Variants in ALG8 observed in about 807,000 individuals in gnomAD.
ALG8 encodes the protein dolichyl pyrophosphate Glc1Man9GlcNAc2 alpha-1,3-glucosyltransferase.
In ALG8, 48 loss-of-function variants were observed where a neutral mutation model predicts 70.2. The observed-to-expected ratio is 0.68, with a 90% CI of 0.54 to 0.87. ALG8 has a LOEUF of 0.87. Among genes scored for constraint, ALG8 ranks in the 40% least tolerant of loss-of-function variants. The pLI is 0.00. For missense variants in ALG8, 572 were observed against 608.7 expected (o/e 0.94, Z 0.64); for synonymous variants, 234 against 229.0 (o/e 1.02, Z -0.20).
intron 1 of ALG8, among the ~76,000 whole-genome samples, chr11:78,127,671 T>G (rs1861136275): frequency 6.6e-6 from 1 of 151,550 alleles, no homozygotes. Context: ...CAGAACTACC[T>G]AAAGGGCTGA....
chr11:78,112,386 G>T, intron 8 of ALG8: 1 of 407,438 alleles, frequency 2.5e-6, no homozygotes, highest in Non-Finnish European at 4.6e-6. Context: ...TACCTTTATA[G>T]AGTGTCTACA....
In ALG8 at chr11:78,112,544, A is replaced by T. The variant is rs147382582; in HGVS notation, c.898+106T>A. On this transcript the variant is annotated intron_variant, in intron 8 of 12. Coordinates refer to ENST00000299626, the MANE Select transcript of ALG8 (RefSeq NM_024079.5). ...TGAAAGCTGAAATGCAGGACTGGAG[A>T]ACAAACAATTCAGCCACATTCAAAA... is the stretch of plus-strand genomic sequence containing the variant. 3.6e-3 allele frequency: 5,544 copies of T among 1,542,164 alleles called. 6 individuals are homozygous for T. The highest frequency in any genetic ancestry group is 4.6e-3 in the Non-Finnish European group (5,152 of 1,126,876).
intron 1 of ALG8, chr11:78,139,145 C>G (rs1433235841): frequency 5.3e-6 from 2 of 380,460 alleles, no homozygotes; most frequent in African/African-American, 4.2e-5. Context: ...TTGCTCACCA[C>G]CGCATCTCCC....
At position 78,121,192 on chromosome 11, in the gene ALG8, G is replaced by T; in HGVS notation, c.369-18C>A. The T allele has an allele frequency of 6.5e-7, 1 of 1,540,244 alleles. No homozygotes were observed. Among genetic ancestry groups the T allele is most frequent in the Non-Finnish European group, 9.0e-7 (1 of 1,114,670 alleles). On this transcript the variant is annotated intron_variant, in intron 3 of 12. Transcript: ENST00000299626. The stretch of plus-strand genomic sequence containing the variant: ...TACAGCACCTACATTGAAACATTAG[G>T]AAAGAAACAGAAACAACTTTGATCT...
At position 78,129,890 on chromosome 11, in the gene ALG8, T is replaced by C. The variant is rs1861229880; in HGVS notation, c.96-2454A>G. On this transcript the variant is annotated intron_variant, in intron 1 of 12. Coordinates refer to ENST00000299626, the MANE Select transcript of ALG8 (RefSeq NM_024079.5). ...GTTTGAGAACCATGCTATCTAGTGATAAGAATGAAAAAACAGTAATTACAC... is the reference window on the plus strand; with the variant it reads ...GTTTGAGAACCATGCTATCTAGTGACAAGAATGAAAAAACAGTAATTACAC... Among the ~76,000 whole-genome samples, 4 of 152,130 alleles carry C rather than the reference T, an allele frequency of 2.6e-5. No individual in the cohort carries two copies. The South Asian group carries it at 6.2e-4, about 24-fold the overall frequency.
intron 1 of ALG8, among the ~76,000 whole-genome samples, chr11:78,132,833 A>ATTTT (rs55934753): frequency 8.8e-6 from 1 of 113,936 alleles, no homozygotes; most frequent in Non-Finnish European, 1.8e-5. Flanking sequence ...TTCTTCTTCC[A>ATTTT]TTTTTTTTTT....
chr11:78,136,591 A>C (rs1861563801), intron 1 of ALG8, among the ~76,000 whole-genome samples: 1 of 152,222 alleles, frequency 6.6e-6, no homozygotes, highest in South Asian at 2.1e-4. Context: ...TTATTCAGTA[A>C]ACCATGCTGT....
chr11:78,125,253 C>T (rs1320509401), intron 2 of ALG8, among the ~76,000 whole-genome samples: 2 of 151,570 alleles, frequency 1.3e-5, no homozygotes, highest in Non-Finnish European at 2.9e-5. Flanking sequence ...AGGACGGTCT[C>T]GATCTCCTGA....
intron 8 of ALG8, chr11:78,112,403 A>AT (rs1860329621): frequency 4.5e-6 from 2 of 448,906 alleles, no homozygotes; most frequent in Non-Finnish European, 8.1e-6. Flanking sequence ...TACATATTTT[A>AT]TTTTTTCCCC....
intron 1 of ALG8, 33 bp from the exon 2 acceptor site, chr11:78,127,469 T>C (rs1295001348): frequency 6.4e-7 from 1 of 1,569,676 alleles, no homozygotes; most frequent in Admixed American, 1.7e-5. Flanking sequence ...TAAAATGAGA[T>C]TTTGCAATAT....
intron 8 of ALG8, among the ~76,000 whole-genome samples, chr11:78,110,295 G>C (rs1271277846): frequency 2.0e-5 from 3 of 152,074 alleles, no homozygotes; most frequent in African/African-American, 7.2e-5. Context: ...AGGTTCCAGC[G>C]ATTCTCCTGC....
intron 9 of ALG8, chr11:78,107,747 C>T: frequency 4.4e-6 from 1 of 228,222 alleles, no homozygotes. Flanking sequence ...GAGGCTGAGG[C>T]AGGAGAATCG....
intron 8 of ALG8, 117 bp downstream of exon 8, chr11:78,112,533 C>A: frequency 6.8e-7 from 1 of 1,479,722 alleles, no homozygotes; most frequent in East Asian, 2.4e-5. Flanking sequence ...AGCTGAAATG[C>A]AGGACTGGAG....
At chr11:78,131,743 G>T (rs1043815539) in intron 1 of ALG8, among the ~76,000 whole-genome samples, 1 of 152,146 alleles carries the variant, frequency 6.6e-6, no homozygotes, top group Non-Finnish European at 1.5e-5. Flanking sequence ...TGGGATTACA[G>T]GTGTGAGCCA....
At chr11:78,136,294 C>G (rs530239102) in intron 1 of ALG8, among the ~76,000 whole-genome samples, 31 of 149,130 alleles carry the variant, frequency 2.1e-4, no homozygotes, top group African/African-American at 6.3e-4. Flanking sequence ...GACACCTCGT[C>G]TCTACCAAAA....
chr11:78,114,161 G>A lies in ALG8; in HGVS notation c.673+105C>T. The A allele has an allele frequency of 2.0e-6, 3 of 1,488,186 alleles. No individual in the cohort carries two copies. The South Asian group carries it at 3.5e-5, about 17-fold the overall frequency. 92.2% of individuals were successfully genotyped at this position (1,488,186 alleles called of 1,614,324 possible). A position where few individuals can be genotyped will look rare whatever the true frequency, so the allele number is the denominator to read the frequency against. ...TAAAGGGCTTACAGGATTAGCAGCTGAGATATCTGCTGTGCTTCATAAAAC... is the reference window on the plus strand; with the variant it reads ...TAAAGGGCTTACAGGATTAGCAGCTAAGATATCTGCTGTGCTTCATAAAAC... On this transcript the variant is annotated intron_variant, in intron 6 of 12. Coordinates refer to ENST00000299626, the MANE Select transcript of ALG8 (RefSeq NM_024079.5).
At chr11:78,117,813 G>A (rs1450049213) in intron 5 of ALG8, among the ~76,000 whole-genome samples, 6 of 150,952 alleles carry the variant, frequency 4.0e-5, no homozygotes, top group African/African-American at 9.8e-5. Context: ...GGTGGCTCAC[G>A]TCTGTAATCC....
chr11:78,109,357 G>A lies in ALG8; in HGVS notation c.1038+85C>T, dbSNP rs1004879367. The stretch of plus-strand genomic sequence containing the variant: ...CATGAAATTTATCCTACAGTTGGAA[G>A]AGCTTGAAAGTTGAAATTTAATCAG... On this transcript the variant is annotated intron_variant, in intron 9 of 12. Coordinates refer to ENST00000299626, the MANE Select transcript of ALG8 (RefSeq NM_024079.5). 10 of 1,559,128 alleles carry A rather than the reference G, an allele frequency of 6.4e-6. No homozygotes were observed. In the Admixed American group the frequency reaches 1.5e-4, roughly 24 times the overall value.
intron 12 of ALG8, among the ~76,000 whole-genome samples, chr11:78,101,856 T>C (rs1859809849): frequency 6.6e-6 from 1 of 152,140 alleles, no homozygotes; most frequent in South Asian, 2.1e-4. Flanking sequence ...AAAATTTTCT[T>C]TTTGAGATGG....
Sources: allele counts gnomAD v4.1 joint callset (sites outside exome capture counted in the v4.1 genomes callset), GRCh38; gene constraint gnomAD v4.1.1; transcripts MANE v1.5; gene names NCBI Gene and HGNC (gene_info 2026-07-23, HGNC 2026-07-21).